The following USP54 variants were observed in gnomAD, a reference collection of about 807,000 sequenced individuals.
USP54 encodes ubiquitin specific peptidase 54, also known as ubiquitin carboxyl-terminal hydrolase 54.
In USP54, 87 loss-of-function variants were observed where a neutral mutation model predicts 170.5. The ratio of observed to expected loss-of-function variants is 0.51; its 90% confidence interval spans 0.43 to 0.61. The LOEUF (loss-of-function observed/expected upper bound fraction) is 0.61. USP54 is among the 20% of genes least tolerant of loss of function. USP54 has a pLI of 0.00. For missense variants in USP54, 1,786 were observed against 2,047.8 expected, an observed-to-expected ratio of 0.87 and a Z score of 2.47; for synonymous variants, 655 against 742.8, an observed-to-expected ratio of 0.88 and a Z score of 1.92.
chr10:73,547,947 C>G (rs940194208), intron 4 of USP54, among the ~76,000 whole-genome samples: 3 of 152,078 alleles, frequency 2.0e-5, no homozygotes, highest in Non-Finnish European at 4.4e-5. Context: ...AACAGGCAAC[C>G]TACAGAACGG....
chr10:73,585,389 A>G (rs2077358005), intron 1 of USP54, among the ~76,000 whole-genome samples: 1 of 152,224 alleles, frequency 6.6e-6, no homozygotes, highest in Admixed American at 6.5e-5. Context: ...TGGCACCAGC[A>G]TCTGCTCAGC....
intron 1 of USP54, among the ~76,000 whole-genome samples, chr10:73,621,547 C>T (rs899881991): frequency 1.3e-5 from 2 of 148,688 alleles, no homozygotes; most frequent in Non-Finnish European, 3.0e-5. Flanking sequence ...TTGCAGTGAG[C>T]CAAGATTGCG....
At chr10:73,542,015 T>A (rs2066700646) in intron 7 of USP54, 1 of 417,910 alleles carries the variant, frequency 2.4e-6, no homozygotes, top group Non-Finnish European at 4.4e-6. Flanking sequence ...AGAACAAAAA[T>A]TATTTTTAAA....
intron 1 of USP54, among the ~76,000 whole-genome samples, chr10:73,623,244 C>T (rs553186284): frequency 5.3e-5 from 8 of 152,030 alleles, no homozygotes; most frequent in East Asian, 3.9e-4. Context: ...TAATTAACTG[C>T]GCGTGGTTGC....
chr10:73,585,179 C>T (rs961025054), intron 1 of USP54, among the ~76,000 whole-genome samples: 4 of 152,136 alleles, frequency 2.6e-5, no homozygotes, highest in African/African-American at 9.7e-5. Flanking sequence ...ACTGCTAGCA[C>T]TACAGAAACT....
At chr10:73,595,635 A>G (rs1333713847), upstream of USP54, among the ~76,000 whole-genome samples, 1 of 152,208 alleles carries the variant, frequency 6.6e-6, no homozygotes, top group Non-Finnish European at 1.5e-5. Flanking sequence ...TTATTTAACT[A>G]TATCTTGCAT....
Position 73,516,428 on chromosome 10 carries a change from C to A in USP54, c.3998G>T (p.Gly1333Val). The part of the protein sequence containing the change: ...YQASLQASQA[G>V]CSGWGQQDTA... ...ATCCTGCTGCCCCCATCCAGAACAGCCAGCTTGAGAAGCCTGAAGACTGGC... is the reference window on the plus strand; with the variant it reads ...ATCCTGCTGCCCCCATCCAGAACAGACAGCTTGAGAAGCCTGAAGACTGGC... Residue 1333 changes from glycine to valine, a missense_variant, in exon 20 of 24, where the codon GGC (glycine) becomes GTC (valine). Gly to Val is a moderately radical substitution (Grantham distance 109). This residue lies in a region of USP54 where 1,418 missense variants were observed against 1,569.0 expected (regional missense o/e 0.90). Transcript: ENST00000687698. 1 of 1,613,990 alleles carries A rather than the reference C, an allele frequency of 6.2e-7. No individual in the cohort carries two copies. The highest frequency in any genetic ancestry group is 8.5e-7 in the Non-Finnish European group (1 of 1,180,008).
chr10:73,571,137 CAAAAAAAAAAAA>C (rs59126730), intron 4 of USP54, among the ~76,000 whole-genome samples: 16 of 44,322 alleles, frequency 3.6e-4, no homozygotes, highest in Non-Finnish European at 7.9e-4. Context: ...GACTTCATCC[CAAAAAAAAAAAA>C]AAAAAAAAAA....
rs559176991 is a variant in USP54, at chr10:73,520,558, T to G, written c.2482+350A>C. On this transcript the variant is annotated intron_variant, in intron 18 of 23. Coordinates refer to ENST00000687698, the MANE Select transcript of USP54 (RefSeq NM_001391956.1). ...GCCTGGGAAGTCATAGCCAATTTAT[T>G]CAGTTTTCCTTCTATAAGCTCCAAC... Among the ~76,000 whole-genome samples, 237 of 152,346 alleles carry G rather than the reference T, an allele frequency of 1.6e-3. 1 individual carries two copies. Among genetic ancestry groups the G allele is most frequent in the African/African-American group, 5.5e-3 (229 of 41,586 alleles).
At chr10:73,558,662 G>A (rs568415213) in intron 4 of USP54, among the ~76,000 whole-genome samples, 2 of 152,072 alleles carry the variant, frequency 1.3e-5, no homozygotes, top group African/African-American at 4.8e-5. Flanking sequence ...CCTTACCAGT[G>A]GTTCCTAGAG....
At chr10:73,624,178 A>G (rs1387724792) in intron 1 of USP54, among the ~76,000 whole-genome samples, 2 of 109,274 alleles carry the variant, frequency 1.8e-5, no homozygotes, top group Admixed American at 9.3e-5. Flanking sequence ...ATATATATAT[A>G]TATATATATA....
intron 23 of USP54, among the ~76,000 whole-genome samples, chr10:73,500,234 C>T (rs2057807510): frequency 6.6e-6 from 1 of 152,192 alleles, no homozygotes; most frequent in Admixed American, 6.5e-5. Context: ...CCAATTCTCC[C>T]ACTCATTCCT....
At chr10:73,545,767 G>C in intron 4 of USP54, 95 bp from the exon 5 acceptor site, 2 of 1,432,766 alleles carry the variant, frequency 1.4e-6, no homozygotes, top group Non-Finnish European at 1.9e-6. Flanking sequence ...CATGATGATA[G>C]CTATGAAACC....
intron 17 of USP54, among the ~76,000 whole-genome samples, chr10:73,522,763 C>T (rs147511373): frequency 3.4e-4 from 52 of 152,248 alleles, no homozygotes; most frequent in African/African-American, 1.3e-3. Flanking sequence ...AAGCTGCCCC[C>T]AAACAGGATT....
chr10:73,623,081 T>C (rs1178662118), intron 1 of USP54, among the ~76,000 whole-genome samples: 1 of 152,224 alleles, frequency 6.6e-6, no homozygotes, highest in East Asian at 1.9e-4. Context: ...CACTTTGTAA[T>C]TTTGAAAACT....
intron 1 of USP54, among the ~76,000 whole-genome samples, chr10:73,580,613 C>T (rs1047208186): frequency 5.3e-5 from 8 of 151,990 alleles, no homozygotes; most frequent in African/African-American, 1.9e-4. Flanking sequence ...GCTCTTCTTG[C>T]CCAGGCTGGA....
In USP54 at chr10:73,517,220, T is replaced by C. The variant is rs1481875519; in HGVS notation, c.3206A>G (p.Tyr1069Cys). The C allele has an allele frequency of 3.7e-6, 6 of 1,614,060 alleles. No individual in the cohort carries two copies. The highest frequency in any genetic ancestry group is 5.1e-6 in the Non-Finnish European group (6 of 1,180,022). ...AGGCATTATGGGGTGGCAGGTTCTA[T>C]ACAGGGGAAGGCTGGGCTGAGCTGA... Reference protein sequence around the residue: ...NSSAQPSLPLYRTCHPIMPVA... With the variant: ...NSSAQPSLPLCRTCHPIMPVA... The change falls in exon 20 of 24, where the codon TAT (tyrosine) becomes TGT (cysteine). Residue 1069 changes from tyrosine (Y) to cysteine (C), a missense_variant. Tyr to Cys is a radical substitution (Grantham distance 194). This residue lies in a region of USP54 where 1,418 missense variants were observed against 1,569.0 expected (regional missense o/e 0.90). Transcript: ENST00000687698.
intron 1 of USP54, among the ~76,000 whole-genome samples, chr10:73,616,335 C>CA (rs60197778): frequency 0.12 from 2,975 of 25,440 alleles, 449 homozygotes; most frequent in African/African-American, 0.15. Context: ...GACTCCATCT[C>CA]AAAAAAAAAA....
chr10:73,616,476 GAAC>G lies in USP54; in HGVS notation c.-18+9088_-18+9090del, dbSNP rs201574698. Among the ~76,000 whole-genome samples, 999 of 149,706 alleles carry G rather than the reference GAAC, an allele frequency of 6.7e-3. 13 individuals are homozygous for G. Among genetic ancestry groups the G allele is most frequent in the Non-Finnish European group, 8.6e-3 (586 of 67,972 alleles). ...TGAAAACACATGGACACAGGGAGGG[GAAC>G]AACACACACTAGGGCCTGTGCGGGG... On this transcript the variant is annotated intron_variant, in intron 1 of 22. Transcript: ENST00000339859.
Sources: gnomAD v4.1 joint callset for allele counts (sites outside exome capture counted in the v4.1 genomes callset) on GRCh38, gnomAD v4.1.1 for gene constraint, gnomAD v4.1.1 regional missense constraint, MANE v1.5 for transcripts, NCBI Gene and HGNC (gene_info 2026-07-23, HGNC 2026-07-21) for gene names.